Variants in ETNK2 observed in about 807,000 individuals in gnomAD.
The protein encoded by ETNK2 is ethanolamine kinase-like protein.
A neutral mutation model predicts 46.2 loss-of-function variants in ETNK2; 33 were observed. That is an observed-to-expected ratio of 0.71 (90% CI 0.54 to 0.96). ETNK2 has a LOEUF of 0.96. Among genes scored for constraint, ETNK2 ranks in the 40% least tolerant of loss-of-function variants. The pLI is 0.00. For synonymous variants in ETNK2, 194 were observed against 209.0 expected (o/e 0.93, Z 0.62); for missense variants, 445 against 509.7 (o/e 0.87, Z 1.22).
In ETNK2 at chr1:204,140,669, C is replaced by T. The variant is rs191759265; in HGVS notation, c.785-551G>A. Among the ~76,000 whole-genome samples, 1,060 of 150,610 alleles carry T rather than the reference C, an allele frequency of 7.0e-3. 13 individuals are homozygous for T. The highest frequency in any genetic ancestry group is 0.023 in the African/African-American group (945 of 41,066). On this transcript the variant is annotated intron_variant, in intron 4 of 7. Coordinates refer to ENST00000367202, the MANE Select transcript of ETNK2 (RefSeq NM_018208.4). ...CCTCCTGAGTAGCTAGGATTACAGG[C>T]GCACACCACCATGCCCAGCTAATTT...
At chr1:204,141,120 C>A (rs1328302447) in intron 4 of ETNK2, 195 bp downstream of exon 4, 2 of 737,396 alleles carry the variant, frequency 2.7e-6, no homozygotes, top group Non-Finnish European at 4.8e-6. Context: ...GCCACTGAGA[C>A]TGGCCCTTGG....
At chr1:204,142,459 T>A (rs1657592077) in intron 3 of ETNK2, among the ~76,000 whole-genome samples, 1 of 152,014 alleles carries the variant, frequency 6.6e-6, no homozygotes, top group African/African-American at 2.4e-5. Flanking sequence ...CATGTGGAAG[T>A]CTGATGAGGG....
chr1:204,151,263 GCTGGGTACGCGCTT>G lies in ETNK2; in HGVS notation c.258+318_258+331del, dbSNP rs1256164475. 9.6e-5 allele frequency: 44 copies of G among 460,384 alleles called. 1 individual carries two copies. The highest frequency in any genetic ancestry group is 9.0e-4 in the African/African-American group (43 of 47,706). The allele number at this position is 460,384 out of a possible 1,614,324, so 28.5% of individuals were successfully genotyped here. On this transcript the variant is annotated intron_variant, in intron 1 of 7. Coordinates refer to ENST00000367202, the MANE Select transcript of ETNK2 (RefSeq NM_018208.4). This position sits in a 1 kb window ranked among gnomAD's most constrained non-coding sequence, Gnocchi z 8.0. ...CCCGCCTCCTCAGGTTTCAGAGCTG[GCTGGGTACGCGCTT>G]CTGGTCAGCGAGGGGCACCAGCACG...
chr1:204,136,513 G>A (rs1657290490), intron 6 of ETNK2, among the ~76,000 whole-genome samples: 1 of 150,886 alleles, frequency 6.6e-6, no homozygotes, highest in Non-Finnish European at 1.5e-5. Context: ...AGTTCAAGAT[G>A]AGCCTGGCCA....
Position 204,141,458 on chromosome 1 carries a change from C to CTGGGCAGTGGCAAAAAAGG in ETNK2, c.642-20_642-2dup, listed in dbSNP as rs1395461293. Reference sequence around the variant, plus strand: ...TACCTTAGGGACATCTGCAGAAAGGCTGGGCAGTGGCAAAAAAGGTAGCCA... The same window carrying CTGGGCAGTGGCAAAAAAGG: ...TACCTTAGGGACATCTGCAGAAAGGCTGGGCAGTGGCAAAAAAGGTGGGCAGTGGCAAAAAAGGTAGCCA... On this transcript the variant is annotated splice_acceptor_variant, in intron 3 of 7. Transcript: ENST00000367202. LOFTEE classifies it high-confidence loss of function. The CTGGGCAGTGGCAAAAAAGG allele has an allele frequency of 1.3e-6, 2 of 1,580,236 alleles. No homozygotes were observed. Among genetic ancestry groups the CTGGGCAGTGGCAAAAAAGG allele is most frequent in the African/African-American group, 2.7e-5 (2 of 74,122 alleles).
In ETNK2 at chr1:204,131,807, TC is replaced by T; in HGVS notation, c.*376del. On this transcript the variant is annotated 3_prime_UTR_variant, in exon 8 of 8. Coordinates refer to ENST00000367202, the MANE Select transcript of ETNK2 (RefSeq NM_018208.4). This position sits in a 1 kb window ranked among gnomAD's most constrained non-coding sequence, Gnocchi z 4.3. ...GGGCACTGGAGGTAGAAAGGAGCCCTCCCCGCCTCCTTCCCCAGGCCAGGAA... is the reference window on the plus strand; with the variant it reads ...GGGCACTGGAGGTAGAAAGGAGCCCTCCCGCCTCCTTCCCCAGGCCAGGAA... 4.2e-6 allele frequency: 1 copy of T among 239,664 alleles called. No homozygotes were observed. Among genetic ancestry groups the T allele is most frequent in the Non-Finnish European group, 8.4e-6 (1 of 119,644 alleles). The allele number at this position is 239,664 out of a possible 1,614,324, so 14.8% of individuals were successfully genotyped here.
intron 3 of ETNK2, among the ~76,000 whole-genome samples, chr1:204,145,255 G>A (rs1427223011): frequency 6.6e-6 from 1 of 152,206 alleles, no homozygotes; most frequent in Non-Finnish European, 1.5e-5. Context: ...TCTTCTCCAG[G>A]GATTACTCCC....
intron 6 of ETNK2, 57 bp from the exon 7 acceptor site, chr1:204,134,645 C>G (rs1657212041): frequency 5.0e-6 from 8 of 1,614,012 alleles, no homozygotes; most frequent in Non-Finnish European, 6.8e-6. Flanking sequence ...GTTTCCGACT[C>G]TACAGCACTG....
At position 204,131,500 on chromosome 1, in the gene ETNK2, C is replaced by G. The variant is rs1048259842; in HGVS notation, c.*684G>C. ...GAGCCAGGCTCTGGAGGCCCAGGGC[C>G]TCACCACTCCCTCTCCTGTCCCCCC... On this transcript the variant is annotated 3_prime_UTR_variant, in exon 8 of 8. Transcript: ENST00000367202. The surrounding 1 kb of genome is among the most constrained non-coding windows in gnomAD (Gnocchi z 4.3). 3 of 152,746 alleles carry G rather than the reference C, an allele frequency of 2.0e-5. No homozygotes were observed. Among genetic ancestry groups the G allele is most frequent in the Non-Finnish European group, 4.4e-5 (3 of 68,464 alleles). The allele number at this position is 152,746 out of a possible 1,614,324, so 9.5% of individuals were successfully genotyped here. A position where few individuals can be genotyped will look rare whatever the true frequency, so the allele number is the denominator to read the frequency against.
chr1:204,149,264 G>T (rs1394469507), intron 2 of ETNK2, among the ~76,000 whole-genome samples: 1 of 152,144 alleles, frequency 6.6e-6, no homozygotes, highest in Non-Finnish European at 1.5e-5. Context: ...CATCTCCCTG[G>T]GCTGGTAAAA....
At chr1:204,136,733 TA>T (rs1657300613) in intron 6 of ETNK2, among the ~76,000 whole-genome samples, 1 of 148,920 alleles carries the variant, frequency 6.7e-6, no homozygotes, top group Admixed American at 6.7e-5. Flanking sequence ...AAAAAAAAAG[TA>T]TATATACATA....
intron 6 of ETNK2, 26 bp from the exon 7 acceptor site, chr1:204,134,614 C>T (rs1031323180): frequency 6.2e-7 from 1 of 1,614,014 alleles, no homozygotes; most frequent in Non-Finnish European, 8.5e-7. Flanking sequence ...AGAGGGTCAG[C>T]CTGGCAATCT....
At position 204,151,634 on chromosome 1, in the gene ETNK2, C is replaced by G; in HGVS notation, c.219G>C (p.Glu73Asp). Residue 73 changes from glutamate to aspartate, a missense_variant, in exon 1 of 8, where the codon GAG becomes GAC. Transcript: ENST00000367202. The surrounding 1 kb of genome is among the most constrained non-coding windows in gnomAD (Gnocchi z 8.0). ...ILPGALRLIQ[E>D]LRPHWKPEQV... ...GCTCGGGTTTCCAATGCGGCCGCAG[C>G]TCCTGGATGAGGCGCAGGGCCCCGG... is the stretch of plus-strand genomic sequence containing the variant. 3 of 1,549,492 alleles carry G rather than the reference C, an allele frequency of 1.9e-6. No homozygotes were observed. The highest frequency in any genetic ancestry group is 2.6e-6 in the Non-Finnish European group (3 of 1,146,416).
rs1379046292 is a variant in ETNK2 at position 204,131,958 on chromosome 1, G to A, written c.*226C>T. 5.3e-6 allele frequency: 3 copies of A among 565,604 alleles called. No homozygotes were observed. The highest frequency in any genetic ancestry group is 1.9e-5 in the African/African-American group (1 of 53,138). The allele number at this position is 565,604 out of a possible 1,614,324, so 35.0% of individuals were successfully genotyped here. A position where few individuals can be genotyped will look rare whatever the true frequency, so the allele number is the denominator to read the frequency against. On this transcript the variant is annotated 3_prime_UTR_variant, in exon 8 of 8. Transcript: ENST00000367202. The surrounding 1 kb of genome is among the most constrained non-coding windows in gnomAD (Gnocchi z 4.3). ...GGCACTTCCTCCCAAGCCTGGTGGG[G>A]TGAAGGGGACCCCCGGAAGGGGGTC... is the stretch of plus-strand genomic sequence containing the variant.
chr1:204,132,588 A>G (rs934570891), intron 7 of ETNK2, among the ~76,000 whole-genome samples: 1 of 152,116 alleles, frequency 6.6e-6, no homozygotes, highest in Non-Finnish European at 1.5e-5. Context: ...GCACGCCACC[A>G]CACCTGGCTA....
At position 204,141,708 on chromosome 1, in the gene ETNK2, A is replaced by G. The variant is rs1261848430; in HGVS notation, c.642-251T>C. The G allele has an allele frequency of 7.8e-5, 39 of 503,014 alleles. No individual in the cohort carries two copies. The Admixed American group carries it at 1.3e-3, about 17-fold the overall frequency. 31.2% of individuals were successfully genotyped at this position (503,014 alleles called of 1,614,324 possible). ...GGCGTCAAAGCATGAGGCAGAGCATAAAAGTCACTGACTGAGGGCATCCCT... is the reference window on the plus strand; with the variant it reads ...GGCGTCAAAGCATGAGGCAGAGCATGAAAGTCACTGACTGAGGGCATCCCT... On this transcript the variant is annotated intron_variant, in intron 3 of 7. Transcript: ENST00000367202.
In ETNK2 at chr1:204,140,765, C is replaced by T. The variant is rs1365020078; in HGVS notation, c.784+550G>A. Among the ~76,000 whole-genome samples, 5 of 151,864 alleles carry T rather than the reference C, an allele frequency of 3.3e-5. No homozygotes were observed. In the East Asian group the frequency reaches 5.8e-4, roughly 18 times the overall value. Reference sequence around the variant, plus strand: ...GTCTTGAACTCCTGACCTCATGATCCACCCGCCTTAGCCTCCCAAAGTGCT... The same window carrying T: ...GTCTTGAACTCCTGACCTCATGATCTACCCGCCTTAGCCTCCCAAAGTGCT... On this transcript the variant is annotated intron_variant, in intron 4 of 7. Transcript: ENST00000367202.
chr1:204,132,879 A>G lies in ETNK2; in HGVS notation c.1089-623T>C, dbSNP rs557475113. Among the ~76,000 whole-genome samples, 205 of 152,210 alleles carry G rather than the reference A, an allele frequency of 1.3e-3. 6 individuals carry two copies. Among genetic ancestry groups the G allele is most frequent in the Non-Finnish European group, 1.6e-3 (111 of 68,012 alleles). On this transcript the variant is annotated intron_variant, in intron 7 of 7. Transcript: ENST00000367202. ...ATTGCTGTGCAAATGAATATCTACA[A>G]CTTTTTCCTTTTGGACAACCGAAAC... is the stretch of plus-strand genomic sequence containing the variant.
intron 7 of ETNK2, among the ~76,000 whole-genome samples, chr1:204,134,304 G>A (rs543113727): frequency 2.6e-4 from 39 of 152,324 alleles, no homozygotes; most frequent in South Asian, 1.0e-3. Flanking sequence ...ACGAGGAACA[G>A]GGAGGATATG....
Sources: allele counts gnomAD v4.1 joint callset (sites outside exome capture counted in the v4.1 genomes callset), GRCh38; gene constraint gnomAD v4.1.1; non-coding constraint Gnocchi (gnomAD v3.1); transcripts MANE v1.5; gene names NCBI Gene and HGNC (gene_info 2026-07-23, HGNC 2026-07-21).